Variants in VAV1 observed in about 807,000 individuals in gnomAD.
The protein encoded by VAV1 is proto-oncogene vav.
In VAV1, 33 loss-of-function variants were observed where a neutral mutation model predicts 128.1. The observed-to-expected ratio is 0.26, with a 90% CI of 0.20 to 0.34. The LOEUF (loss-of-function observed/expected upper bound fraction) is 0.34. Among genes scored for constraint, VAV1 ranks in the 10% least tolerant of loss-of-function variants. The pLI, the probability that VAV1 is intolerant of heterozygous loss-of-function variation, is 1.00. For missense variants in VAV1, 715 were observed against 1,093.7 expected (o/e 0.65, Z 4.88); for synonymous variants, 394 against 409.8 (o/e 0.96, Z 0.47).
In VAV1 at chr19:6,826,718, G is replaced by A. The variant is rs373764318; in HGVS notation, c.927+7G>A. The A allele has an allele frequency of 5.1e-5, 78 of 1,540,906 alleles. 4 individuals are homozygous for A. The highest frequency in any genetic ancestry group is 3.3e-4 in the Admixed American group (17 of 51,118). ...CGTGCAGATGAAGCTGGAGGTGGGC[G>A]CCGGGCCACTTCTCGGGGGCCTCTC... On this transcript the variant is annotated splice_region_variant and intron_variant, in intron 9 of 26. Coordinates refer to ENST00000602142, the MANE Select transcript of VAV1 (RefSeq NM_005428.4). This position sits in a 1 kb window ranked among gnomAD's most constrained non-coding sequence, Gnocchi z 4.1.
At position 6,816,164 on chromosome 19, in the gene VAV1, C is replaced by T. The variant is rs960769199; in HGVS notation, c.205-4538C>T. 9.9e-5 allele frequency among the ~76,000 whole-genome samples: 15 copies of T among 151,932 alleles called. 1 individual carries two copies. The Middle Eastern group carries it at 0.01, about 103-fold the overall frequency. ...CCTCCCGAGTAGCTGGGACTACAGGCGCACACCACCACGCCCAGCTAATTT... is the reference window on the plus strand; with the variant it reads ...CCTCCCGAGTAGCTGGGACTACAGGTGCACACCACCACGCCCAGCTAATTT... On this transcript the variant is annotated intron_variant, in intron 1 of 26. Coordinates refer to ENST00000602142, the MANE Select transcript of VAV1 (RefSeq NM_005428.4).
chr19:6,773,165 A>G (rs1042308533), intron 1 of VAV1, among the ~76,000 whole-genome samples, 154 bp downstream of exon 1: 1 of 152,096 alleles, frequency 6.6e-6, no homozygotes, highest in African/African-American at 2.4e-5. Flanking sequence ...GGTGGTCACA[A>G]TCTGAGATTC....
In VAV1 at chr19:6,826,816, C is replaced by T; in HGVS notation, c.927+105C>T. On this transcript the variant is annotated intron_variant, in intron 9 of 26. Transcript: ENST00000602142. The surrounding 1 kb of genome is among the most constrained non-coding windows in gnomAD (Gnocchi z 4.1). ...AGATGGTCCACTTTCTGCTGCAGCC[C>T]AGCCAGAGATCCACCAAAGGACTAG... The T allele has an allele frequency of 1.1e-6, 1 of 896,708 alleles. No homozygotes were observed. The allele number at this position is 896,708 out of a possible 1,614,324, so 55.5% of individuals were successfully genotyped here.
intron 1 of VAV1, among the ~76,000 whole-genome samples, chr19:6,805,771 A>G (rs752582540): frequency 5.9e-5 from 9 of 151,882 alleles, no homozygotes; most frequent in Non-Finnish European, 1.5e-5. Context: ...CACACACACT[A>G]TATGAATATT....
intron 1 of VAV1, among the ~76,000 whole-genome samples, chr19:6,780,157 T>TAATAAC (rs1401778460): frequency 3.0e-5 from 4 of 132,314 alleles, no homozygotes; most frequent in South Asian, 2.4e-4. Context: ...ATAATAATAA[T>TAATAAC]AACCTCATCC....
chr19:6,820,670 T>G lies in VAV1; in HGVS notation c.205-32T>G. The G allele has an allele frequency of 1.2e-6, 2 of 1,603,532 alleles. No individual in the cohort carries two copies. The highest frequency in any genetic ancestry group is 1.7e-6 in the Non-Finnish European group (2 of 1,170,538). ...CAGTTTCTCCCCTGCCCTTTCGTAC[T>G]GCCCCACCCTCATTTCTCTGTCTCC... On this transcript the variant is annotated intron_variant, in intron 1 of 26. Coordinates refer to ENST00000602142, the MANE Select transcript of VAV1 (RefSeq NM_005428.4). This position sits in a 1 kb window ranked among gnomAD's most constrained non-coding sequence, Gnocchi z 4.4.
At position 6,777,272 on chromosome 19, in the gene VAV1, TCCATC is replaced by T. The variant is rs1970667408; in HGVS notation, c.204+4263_204+4267del. ...ATCCATCCATCCATCCATCCATCCA[TCCATC>T]CATCCATCCAGCAATGACAAGGTCT... On this transcript the variant is annotated intron_variant, in intron 1 of 26. Transcript: ENST00000602142. The surrounding 1 kb of genome is among the most constrained non-coding windows in gnomAD (Gnocchi z 4.4). Among the ~76,000 whole-genome samples the T allele has an allele frequency of 6.9e-6, 1 of 144,138 alleles. No homozygotes were observed. The highest frequency in any genetic ancestry group is 1.6e-5 in the Non-Finnish European group (1 of 63,614). 94.6% of individuals were successfully genotyped at this position (144,138 alleles called of 152,430 possible).
At chr19:6,798,659 T>TCC (rs113208165) in intron 1 of VAV1, among the ~76,000 whole-genome samples, 9,722 of 144,766 alleles carry the variant, frequency 0.067, 346 homozygotes, top group African/African-American at 0.11. Context: ...TTTCTCCCCT[T>TCC]CCCCCCCCCA....
Position 6,826,885 on chromosome 19 carries a change from C to T in VAV1, c.927+174C>T, listed in dbSNP as rs1449857866. On this transcript the variant is annotated intron_variant, in intron 9 of 26. Coordinates refer to ENST00000602142, the MANE Select transcript of VAV1 (RefSeq NM_005428.4). This position sits in a 1 kb window ranked among gnomAD's most constrained non-coding sequence, Gnocchi z 4.1. The stretch of plus-strand genomic sequence containing the variant: ...GCCAAGCAGAGGAAATGGAGAAGAA[C>T]AGAAATGGGCTGGCCCTGGGTCTGG... 2 of 625,108 alleles carry T rather than the reference C, an allele frequency of 3.2e-6. No homozygotes were observed. The highest frequency in any genetic ancestry group is 5.7e-6 in the Non-Finnish European group (2 of 350,572). The allele number at this position is 625,108 out of a possible 1,614,324, so 38.7% of individuals were successfully genotyped here.
chr19:6,852,927 C>T, intron 24 of VAV1, 38 bp from the exon 25 acceptor site: 2 of 1,572,684 alleles, frequency 1.3e-6, no homozygotes, highest in Non-Finnish European at 1.7e-6. Context: ...ATGGGCTGGC[C>T]CGCTGGGATA....
chr19:6,857,023 T>G, intron 26 of VAV1, 31 bp from the exon 27 acceptor site: 1 of 1,606,640 alleles, frequency 6.2e-7, no homozygotes, highest in Non-Finnish European at 8.5e-7. Flanking sequence ...TGTGCAGAGG[T>G]TGCACTGATG....
chr19:6,782,843 G>A (rs554685548), intron 1 of VAV1, among the ~76,000 whole-genome samples: 74 of 151,490 alleles, frequency 4.9e-4, no homozygotes, highest in African/African-American at 1.5e-3. Flanking sequence ...AGATCGCGCC[G>A]CTGCAGTCCA....
intron 1 of VAV1, among the ~76,000 whole-genome samples, chr19:6,776,220 T>C (rs1318705050): frequency 5.4e-5 from 5 of 93,018 alleles, no homozygotes; most frequent in African/African-American, 8.5e-5. Context: ...GCTCATCCAT[T>C]TATCCATCCA....
At chr19:6,813,401 C>T (rs528053599) in intron 1 of VAV1, among the ~76,000 whole-genome samples, 3 of 152,300 alleles carry the variant, frequency 2.0e-5, no homozygotes, top group Admixed American at 1.3e-4. Context: ...TTGTTTCTTC[C>T]ACCCTGTTCT....
chr19:6,809,474 G>A (rs560014873), intron 1 of VAV1, among the ~76,000 whole-genome samples: 29 of 152,306 alleles, frequency 1.9e-4, no homozygotes, highest in Non-Finnish European at 3.8e-4. Context: ...ACCTGGAGAT[G>A]AGAGACAGTA....
At chr19:6,842,706 G>A (rs11880369) in intron 21 of VAV1, among the ~76,000 whole-genome samples, 5,547 of 151,982 alleles carry the variant, frequency 0.036, 334 homozygotes, top group African/African-American at 0.12. Context: ...GTGGTGGTGC[G>A]TACCTGTAGT....
chr19:6,784,997 AGCCCTTCCCT>A (rs769174850), intron 1 of VAV1, among the ~76,000 whole-genome samples: 1 of 152,160 alleles, frequency 6.6e-6, no homozygotes, highest in Non-Finnish European at 1.5e-5. Flanking sequence ...TCCATCTCTC[AGCCCTTCCCT>A]GCTCCCTCTC....
chr19:6,818,488 C>T (rs1291342886), intron 1 of VAV1, among the ~76,000 whole-genome samples: 1 of 152,232 alleles, frequency 6.6e-6, no homozygotes, highest in African/African-American at 2.4e-5. Context: ...AGGCAAGATC[C>T]TGCCTCAGGA....
rs1028875660 is a variant in VAV1, at chr19:6,777,232, ACTATCCATCCAT to A, written c.204+4223_204+4234del. Among the ~76,000 whole-genome samples the A allele has an allele frequency of 5.2e-5, 6 of 114,768 alleles. No homozygotes were observed. The highest frequency in any genetic ancestry group is 2.0e-4 in the Admixed American group (2 of 10,048). 75.3% of individuals were successfully genotyped at this position (114,768 alleles called of 152,430 possible). On this transcript the variant is annotated intron_variant, in intron 1 of 26. Transcript: ENST00000602142. The surrounding 1 kb of genome is among the most constrained non-coding windows in gnomAD (Gnocchi z 4.4). ...ATTCATCCATCCATTTATCTGTTTA[ACTATCCATCCAT>A]CCATCCATCCATCCATCCATCCATC...
Sources: gnomAD v4.1 joint callset for allele counts (sites outside exome capture counted in the v4.1 genomes callset) on GRCh38, gnomAD v4.1.1 for gene constraint, Gnocchi (gnomAD v3.1) non-coding constraint, MANE v1.5 for transcripts, NCBI Gene and HGNC (gene_info 2026-07-23, HGNC 2026-07-21) for gene names.